THADA: variants seen among roughly 807,000 people sequenced by gnomAD.
The protein encoded by THADA is tRNA (32-2'-O)-methyltransferase regulator THADA.
Under a neutral mutation model 219.8 loss-of-function variants are expected in THADA, and 213 were observed. The observed-to-expected ratio is 0.97, with a 90% CI of 0.87 to 1.09. THADA has a LOEUF of 1.09. Among genes scored for constraint, THADA ranks in the 50% least tolerant of loss-of-function variants. The pLI is 0.00. For synonymous variants in THADA, 1,018 were observed against 828.9 expected, an observed-to-expected ratio of 1.23 and a Z score of -3.92; for missense variants, 2,956 against 2,311.3, an observed-to-expected ratio of 1.28 and a Z score of -5.72.
intron 22 of THADA, among the ~76,000 whole-genome samples, chr2:43,516,561 G>A (rs774242910): frequency 6.6e-6 from 1 of 152,190 alleles, no homozygotes; most frequent in East Asian, 1.9e-4. Context: ...ATACCTTCTA[G>A]TACATGCAAA....
At chr2:43,455,224 T>C (rs1451736739) in intron 26 of THADA, among the ~76,000 whole-genome samples, 1 of 152,196 alleles carries the variant, frequency 6.6e-6, no homozygotes, top group African/African-American at 2.4e-5. Context: ...CTGAAATTTT[T>C]ACTTGGGCTA....
chr2:43,240,611 T>C (rs1247138499), intron 36 of THADA, among the ~76,000 whole-genome samples: 1 of 152,142 alleles, frequency 6.6e-6, no homozygotes, highest in East Asian at 1.9e-4. Flanking sequence ...GGTGGGGCAC[T>C]CTGTGAGTAC....
intron 25 of THADA, among the ~76,000 whole-genome samples, chr2:43,494,050 T>G (rs1687970597): frequency 6.6e-6 from 1 of 152,212 alleles, no homozygotes; most frequent in African/African-American, 2.4e-5. Flanking sequence ...CTCTGGTTCA[T>G]CCAGCCACTT....
At chr2:43,523,858 T>A (rs1326794938) in intron 22 of THADA, among the ~76,000 whole-genome samples, 1 of 152,196 alleles carries the variant, frequency 6.6e-6, no homozygotes, top group African/African-American at 2.4e-5. Context: ...CCCTTCTAGA[T>A]TTAGAATTAT....
At chr2:43,377,048 C>T (rs183226232) in intron 29 of THADA, among the ~76,000 whole-genome samples, 2 of 152,274 alleles carry the variant, frequency 1.3e-5, no homozygotes, top group Admixed American at 6.5e-5. Context: ...TGACTCAACA[C>T]GACCTATTCT....
chr2:43,525,196 C>T (rs565993010), intron 22 of THADA, among the ~76,000 whole-genome samples: 1 of 152,288 alleles, frequency 6.6e-6, no homozygotes, highest in South Asian at 2.1e-4. Context: ...TGTCTGGTGA[C>T]CAAGACTTAG....
chr2:43,479,199 G>C (rs1685890540), intron 26 of THADA, among the ~76,000 whole-genome samples: 1 of 152,136 alleles, frequency 6.6e-6, no homozygotes, highest in African/African-American at 2.4e-5. Context: ...AGAATCATCT[G>C]AATCCAAACT....
At chr2:43,532,283 T>G (rs1693980282) in intron 21 of THADA, among the ~76,000 whole-genome samples, 1 of 151,414 alleles carries the variant, frequency 6.6e-6, no homozygotes, top group African/African-American at 2.4e-5. Context: ...AGTGGCACCA[T>G]GCGCCTGTAG....
intron 26 of THADA, among the ~76,000 whole-genome samples, chr2:43,432,694 G>A (rs193155890): frequency 6.6e-6 from 1 of 152,166 alleles, no homozygotes; most frequent in East Asian, 1.9e-4. Context: ...CTGTTGTTTT[G>A]TTTTTCCTTC....
intron 2 of THADA, 122 bp downstream of exon 2, chr2:43,592,195 C>G: frequency 1.0e-6 from 1 of 983,444 alleles, no homozygotes; most frequent in Non-Finnish European, 1.5e-6. Context: ...AATTGTTTTA[C>G]ATCCAAAACA....
At chr2:43,441,143 T>C (rs555237012) in intron 26 of THADA, among the ~76,000 whole-genome samples, 24 of 152,230 alleles carry the variant, frequency 1.6e-4, no homozygotes, top group Non-Finnish European at 2.8e-4. Flanking sequence ...GTATCAACTA[T>C]GCATTTGTCA....
chr2:43,473,380 G>A (rs552370169), intron 26 of THADA, among the ~76,000 whole-genome samples: 13 of 152,226 alleles, frequency 8.5e-5, no homozygotes, highest in Middle Eastern at 3.4e-3. Context: ...CTGTCGCACT[G>A]AAAGGTCATC....
chr2:43,588,496 C>T (rs1295790528), intron 4 of THADA, among the ~76,000 whole-genome samples: 1 of 152,004 alleles, frequency 6.6e-6, no homozygotes, highest in Non-Finnish European at 1.5e-5. Flanking sequence ...ATGTATTTGG[C>T]ATATGATCTA....
intron 29 of THADA, among the ~76,000 whole-genome samples, chr2:43,381,121 A>AG (rs1671972023): frequency 6.7e-6 from 1 of 148,388 alleles, no homozygotes; most frequent in Non-Finnish European, 1.5e-5. Context: ...AAAAAAAAAA[A>AG]GGAAGAAAAA....
At chr2:43,291,408 C>T (rs371068399) in intron 34 of THADA, among the ~76,000 whole-genome samples, 9 of 130,322 alleles carry the variant, frequency 6.9e-5, no homozygotes, top group South Asian at 2.4e-4. Context: ...GAGCCGAGAT[C>T]GTGCCACTGC....
intron 31 of THADA, among the ~76,000 whole-genome samples, chr2:43,294,098 CTTTG>C (rs569041424): frequency 3.7e-4 from 56 of 152,244 alleles, no homozygotes; most frequent in Non-Finnish European, 7.4e-4. Flanking sequence ...GATGTGTTTT[CTTTG>C]TTTATTTTAA....
At chr2:43,542,876 T>C (rs962336546) in intron 20 of THADA, among the ~76,000 whole-genome samples, 2 of 152,144 alleles carry the variant, frequency 1.3e-5, no homozygotes, top group Admixed American at 6.5e-5. Context: ...TTAATTTTAT[T>C]ATTATTATAC....
At chr2:43,244,771 G>A (rs1001249793) in intron 36 of THADA, among the ~76,000 whole-genome samples, 2 of 152,210 alleles carry the variant, frequency 1.3e-5, no homozygotes, top group African/African-American at 4.8e-5. Flanking sequence ...CCCTATGCCT[G>A]CTCCTTGATG....
intron 31 of THADA, among the ~76,000 whole-genome samples, chr2:43,294,216 A>G (rs1014140883): frequency 1.3e-5 from 2 of 152,244 alleles, no homozygotes; most frequent in African/African-American, 4.8e-5. Flanking sequence ...TAAAAAAATA[A>G]AAAAACCAAA....
Sources: gnomAD v4.1 joint callset for allele counts (sites outside exome capture counted in the v4.1 genomes callset) on GRCh38, gnomAD v4.1.1 for gene constraint, MANE v1.5 for transcripts, NCBI Gene and HGNC (gene_info 2026-07-23, HGNC 2026-07-21) for gene names.